MUC17: variants seen among roughly 807,000 people sequenced by gnomAD.
MUC17 encodes mucin 17, cell surface associated.
Under a neutral mutation model 170.3 loss-of-function variants are expected in MUC17, and 190 were observed. The ratio of observed to expected loss-of-function variants is 1.12; its 90% CI spans 0.99 to 1.26. The LOEUF (loss-of-function observed/expected upper bound fraction) is 1.26. Among genes scored for constraint, MUC17 ranks in the 50% most tolerant of loss-of-function variants. The pLI, the probability that MUC17 is intolerant of heterozygous loss-of-function variation, is 0.00. For synonymous variants in MUC17, 2,325 were observed against 2,002.5 expected, an observed-to-expected ratio of 1.16 and a Z score of -4.30; for missense variants, 6,415 against 5,530.0, an observed-to-expected ratio of 1.16 and a Z score of -5.08.
At position 101,034,691 on chromosome 7, in the gene MUC17, C is replaced by G; in HGVS notation, c.3275C>G (p.Pro1092Arg). The change falls in exon 3 of 13, where the codon CCA becomes CGA. Residue 1092 changes from proline (P) to arginine (R), a missense_variant. Physicochemically the swap from Pro to Arg is moderately radical, Grantham distance 103 (BLOSUM62 -2). Coordinates refer to ENST00000306151, the MANE Select transcript of MUC17 (RefSeq NM_001040105.2). ...SSTTADGTSM[P>R]TSTYSEGSTP... ...ACAACTGCTGACGGTACCAGCATGCCAACCTCAACTTATAGTGAAGGAAGC... is the reference window on the plus strand; with the variant it reads ...ACAACTGCTGACGGTACCAGCATGCGAACCTCAACTTATAGTGAAGGAAGC... The G allele has an allele frequency of 1.2e-6, 2 of 1,606,826 alleles. No homozygotes were observed. Among genetic ancestry groups the G allele is most frequent in the Non-Finnish European group, 1.7e-6 (2 of 1,175,726 alleles).
rs948252190 is a variant in MUC17 at position 101,037,949 on chromosome 7, T to G, written c.6533T>G (p.Ile2178Ser). 20 of 1,603,934 alleles carry G rather than the reference T, an allele frequency of 1.2e-5. No homozygotes were observed. The highest frequency in any genetic ancestry group is 1.5e-5 in the Non-Finnish European group (18 of 1,175,694). The change falls in exon 3 of 13, where the codon ATC becomes AGC. Residue 2178 changes from isoleucine (I) to serine (S), a missense_variant. Transcript: ENST00000306151. ...VSTTVVASSA[I>S]STLSTTPVDT... ...ACCACAGTGGTGGCCAGTTCTGCAA[T>G]CAGCACCCTTTCAACAACTCCTGTT...
In MUC17 at chr7:101,040,429, A is replaced by G. The variant is rs760229540; in HGVS notation, c.9013A>G (p.Ser3005Gly). 5 of 1,611,376 alleles carry G rather than the reference A, an allele frequency of 3.1e-6. No individual in the cohort carries two copies. In the East Asian group the frequency reaches 9.0e-5, roughly 29 times the overall value. The change falls in exon 3 of 13, where the codon AGC becomes GGC. Residue 3005 changes from serine to glycine, a missense_variant. By Grantham distance (56) the Ser-to-Gly change is moderately conservative. Transcript: ENST00000306151. The stretch of plus-strand genomic sequence containing the variant: ...CATGCCGGTGGCCAGTTCTGAGGCT[A>G]GCACCCTTTCAAGAACTCCTGCTGA... ...STMPVASSEA[S>G]TLSRTPADTS...
intron 3 of MUC17, among the ~76,000 whole-genome samples, chr7:101,047,695 G>A (rs562768286): frequency 1.3e-5 from 2 of 152,258 alleles, no homozygotes; most frequent in South Asian, 2.1e-4. Flanking sequence ...GCTGGGTGTG[G>A]TGGCACGCGC....
In MUC17 at chr7:101,031,942, A is replaced by G. The variant is rs866756152; in HGVS notation, c.526A>G (p.Thr176Ala). 1 of 1,614,118 alleles carries G rather than the reference A, an allele frequency of 6.2e-7. No individual in the cohort carries two copies. The highest frequency in any genetic ancestry group is 1.6e-4 in the Middle Eastern group (1 of 6,062). The change falls in exon 3 of 13, where the codon ACA (threonine) becomes GCA (alanine). Residue 176 changes from threonine to alanine, a missense_variant. Physicochemically the swap from Thr to Ala is moderately conservative, Grantham distance 58. Coordinates refer to ENST00000306151, the MANE Select transcript of MUC17 (RefSeq NM_001040105.2). Reference protein sequence around the residue: ...TAPLPSFEAYTSLTYKVDMST... With the variant: ...TAPLPSFEAYASLTYKVDMST... Reference sequence around the variant, plus strand: ...ACCTCTTCCCAGTTTTGAGGCCTACACATCTTTAACATATAAGGTTGATAT... The same window carrying G: ...ACCTCTTCCCAGTTTTGAGGCCTACGCATCTTTAACATATAAGGTTGATAT...
In MUC17 at chr7:101,034,780, T is replaced by C; in HGVS notation, c.3364T>C (p.Ser1122Pro). The C allele has an allele frequency of 1.2e-6, 2 of 1,603,648 alleles. No individual in the cohort carries two copies. The highest frequency in any genetic ancestry group is 1.7e-6 in the Non-Finnish European group (2 of 1,174,152). The change falls in exon 3 of 13, where the codon TCC becomes CCC. Residue 1122 changes from serine (S) to proline (P), a missense_variant. Coordinates refer to ENST00000306151, the MANE Select transcript of MUC17 (RefSeq NM_001040105.2). The part of the protein sequence containing the change: ...LVVSSEASTL[S>P]TTPVDTSIPV... ...GGTCAGTTCTGAGGCTAGCACCCTTTCCACAACTCCTGTCGACACCAGCAT... is the reference window on the plus strand; with the variant it reads ...GGTCAGTTCTGAGGCTAGCACCCTTCCCACAACTCCTGTCGACACCAGCAT...
At position 101,026,214 on chromosome 7, in the gene MUC17, A is replaced by G. The variant is rs571719881; in HGVS notation, c.83-4906A>G. Among the ~76,000 whole-genome samples, 4 of 152,262 alleles carry G rather than the reference A, an allele frequency of 2.6e-5. No individual in the cohort carries two copies. In the South Asian group the frequency reaches 8.3e-4, roughly 32 times the overall value. Reference sequence around the variant, plus strand: ...CAGTGGAGTGAAGGTGCTCACGGGGAGCCCTTGGCCTCCTATATCTGCCTG... The same window carrying G: ...CAGTGGAGTGAAGGTGCTCACGGGGGGCCCTTGGCCTCCTATATCTGCCTG... On this transcript the variant is annotated intron_variant, in intron 1 of 12. Transcript: ENST00000306151.
At position 101,032,054 on chromosome 7, in the gene MUC17, A is replaced by G. The variant is rs760938068; in HGVS notation, c.638A>G (p.Glu213Gly). ...ACCATACCCAAATCAACTAACAGTG[A>G]AGGAAGCACTCCATTAACAAGTATG... ...STTIPKSTNS[E>G]GSTPLTSMPA... Residue 213 changes from glutamate (E) to glycine (G), a missense_variant, in exon 3 of 13, where the codon GAA becomes GGA. By Grantham distance (98) the Glu-to-Gly change is moderately conservative. Coordinates refer to ENST00000306151, the MANE Select transcript of MUC17 (RefSeq NM_001040105.2). 3.7e-6 allele frequency: 6 copies of G among 1,614,242 alleles called. No homozygotes were observed. The highest frequency in any genetic ancestry group is 5.1e-6 in the Non-Finnish European group (6 of 1,180,044).
rs756441352 is a variant in MUC17 at position 101,040,196 on chromosome 7, G to A, written c.8780G>A (p.Ser2927Asn). The A allele has an allele frequency of 4.3e-6, 7 of 1,612,696 alleles. No homozygotes were observed. The South Asian group carries it at 4.4e-5, about 10-fold the overall frequency. Residue 2927 changes from serine to asparagine, a missense_variant, in exon 3 of 13, where the codon AGT (serine) becomes AAT (asparagine). Physicochemically the swap from Ser to Asn is conservative, Grantham distance 46 (BLOSUM62 1). Coordinates refer to ENST00000306151, the MANE Select transcript of MUC17 (RefSeq NM_001040105.2). ...CCAATCTCAACTCCTAGTGAAGTAA[G>A]TACTCCATTAACAAGTATACTTGTC... ...SMPISTPSEV[S>N]TPLTSILVST...
chr7:101,055,594 C>T (rs145318129), intron 11 of MUC17, among the ~76,000 whole-genome samples: 274 of 152,254 alleles, frequency 1.8e-3, no homozygotes, highest in African/African-American at 6.1e-3. Flanking sequence ...ATTTTTAAAA[C>T]GCCTCTCTTA....
At chr7:101,023,744 A>C (rs1259023935) in intron 1 of MUC17, among the ~76,000 whole-genome samples, 1 of 152,206 alleles carries the variant, frequency 6.6e-6, no homozygotes, top group Non-Finnish European at 1.5e-5. Context: ...GATACCCAGT[A>C]GTGGGATTGC....
chr7:101,024,714 ACCT>A (rs1377625949), intron 1 of MUC17, among the ~76,000 whole-genome samples: 2 of 135,892 alleles, frequency 1.5e-5, no homozygotes, highest in Non-Finnish European at 3.1e-5. Context: ...TCACTCCCAA[ACCT>A]CCTCCCTGCT....
chr7:101,048,756 T>C, intron 4 of MUC17, 89 bp from the exon 5 acceptor site: 1 of 1,476,502 alleles, frequency 6.8e-7, no homozygotes, highest in African/African-American at 1.4e-5. Context: ...TAAAATACAA[T>C]GGAGCTCACT....
chr7:101,045,057 C>A (rs1321055283), intron 3 of MUC17, among the ~76,000 whole-genome samples: 1 of 152,130 alleles, frequency 6.6e-6, no homozygotes, highest in Non-Finnish European at 1.5e-5. Flanking sequence ...AGCGTTGCAC[C>A]ATTCAATACC....
chr7:101,041,298 C>T lies in MUC17; in HGVS notation c.9882C>T (p.Ala3294=). ...TSMPVSTTTV[A]SSETSTLSTT... The stretch of plus-strand genomic sequence containing the variant: ...TGCCTGTCAGCACCACAACGGTGGC[C>T]AGTTCTGAAACGAGCACCCTTTCAA... The change falls in exon 3 of 13, where the codon GCC becomes GCT. Residue 3294 remains alanine (A), a synonymous_variant. Transcript: ENST00000306151. 6.2e-7 allele frequency: 1 copy of T among 1,611,152 alleles called. No homozygotes were observed. The highest frequency in any genetic ancestry group is 1.1e-5 in the South Asian group (1 of 90,830).
rs71557216 is a variant in MUC17 at position 101,033,536 on chromosome 7, C to A, written c.2120C>A (p.Thr707Asn). 1,590 of 1,614,100 alleles carry A rather than the reference C, an allele frequency of 9.9e-4. 2 individuals are homozygous for A. The highest frequency in any genetic ancestry group is 9.3e-4 in the Non-Finnish European group (1,100 of 1,180,012). ...TTLVASSEAS[T>N]LSTTPVDTST... ...CTGGTGGCCAGTTCTGAGGCTAGCACCCTTTCAACAACTCCTGTTGACACC... is the reference window on the plus strand; with the variant it reads ...CTGGTGGCCAGTTCTGAGGCTAGCAACCTTTCAACAACTCCTGTTGACACC... The change falls in exon 3 of 13, where the codon ACC (threonine) becomes AAC (asparagine). Residue 707 changes from threonine to asparagine, a missense_variant. Transcript: ENST00000306151.
intron 1 of MUC17, among the ~76,000 whole-genome samples, chr7:101,024,803 C>T (rs550318454): frequency 1.6e-4 from 22 of 140,024 alleles, no homozygotes; most frequent in South Asian, 1.2e-3. Context: ...AGTGCTGTAG[C>T]GTGATGTCAG....
rs182784260 is a variant in MUC17, at chr7:101,025,437, C to T, written c.82+5220C>T. Among the ~76,000 whole-genome samples, 1,236 of 150,612 alleles carry T rather than the reference C, an allele frequency of 8.2e-3. 10 individuals are homozygous for T. The highest frequency in any genetic ancestry group is 0.021 in the Admixed American group (320 of 15,104). On this transcript the variant is annotated intron_variant, in intron 1 of 12. Coordinates refer to ENST00000306151, the MANE Select transcript of MUC17 (RefSeq NM_001040105.2). ...CAGCACTTTGGGAGGCCAAGGCAGG[C>T]GGATCACTTGAGGCCAGGAGTTTAA...
At position 101,035,858 on chromosome 7, in the gene MUC17, A is replaced by T; in HGVS notation, c.4442A>T (p.Asp1481Val). The part of the protein sequence containing the change: ...EASTLSTTPV[D>V]SNSPVVTSTA... Reference sequence around the variant, plus strand: ...AGCACCCTTTCAACAACTCCTGTTGACTCTAACAGTCCTGTGGTCACTTCT... The same window carrying T: ...AGCACCCTTTCAACAACTCCTGTTGTCTCTAACAGTCCTGTGGTCACTTCT... Residue 1481 changes from aspartate (D) to valine (V), a missense_variant, in exon 3 of 13, where the codon GAC (aspartate) becomes GTC (valine). By Grantham distance (152) the Asp-to-Val change is radical. Transcript: ENST00000306151. 1.2e-6 allele frequency: 2 copies of T among 1,600,822 alleles called. No individual in the cohort carries two copies. Among genetic ancestry groups the T allele is most frequent in the Non-Finnish European group, 1.7e-6 (2 of 1,172,140 alleles).
At chr7:101,049,531 C>A (rs1224565859) in intron 6 of MUC17, 149 bp downstream of exon 6, 2 of 1,123,276 alleles carry the variant, frequency 1.8e-6, no homozygotes, top group Admixed American at 2.8e-5. Context: ...CAACAGAAAT[C>A]TATTTCTCCC....
Sources: gnomAD v4.1 joint callset for allele counts (sites outside exome capture counted in the v4.1 genomes callset) on GRCh38, gnomAD v4.1.1 for gene constraint, MANE v1.5 for transcripts, NCBI Gene and HGNC (gene_info 2026-07-23, HGNC 2026-07-21) for gene names.